ITCH: variants seen among roughly 807,000 people sequenced by gnomAD.
ITCH encodes the protein itchy E3 ubiquitin protein ligase, also known as E3 ubiquitin-protein ligase Itchy homolog.
A neutral mutation model predicts 126.8 loss-of-function variants in ITCH; 28 were observed. The observed-to-expected ratio is 0.22, with a 90% CI of 0.16 to 0.30. The LOEUF is 0.30. Among genes scored for constraint, ITCH ranks in the 10% least tolerant of loss-of-function variants. ITCH has a pLI of 1.00. For synonymous variants in ITCH, 342 were observed against 340.0 expected, an observed-to-expected ratio of 1.01 and a Z score of -0.06; for missense variants, 631 against 1,032.4, an observed-to-expected ratio of 0.61 and a Z score of 5.33.
chr20:34,440,047 C>A (rs909153410), intron 8 of ITCH, 108 bp from the exon 9 acceptor site: 5 of 785,368 alleles, frequency 6.4e-6, no homozygotes, highest in Non-Finnish European at 4.2e-6. Flanking sequence ...GCATCTACAT[C>A]TTAAGTTTTA....
chr20:34,488,379 T>A (rs1218926516), intron 20 of ITCH, among the ~76,000 whole-genome samples: 1 of 152,164 alleles, frequency 6.6e-6, no homozygotes, highest in Non-Finnish European at 1.5e-5. Context: ...TAAAAAATAA[T>A]CCTCATGTCG....
chr20:34,500,358 G>T (rs1192719997), intron 23 of ITCH, among the ~76,000 whole-genome samples: 1 of 152,120 alleles, frequency 6.6e-6, no homozygotes, highest in African/African-American at 2.4e-5. Context: ...GTTCTTTGGT[G>T]TTGGGTGCAT....
chr20:34,414,424 G>A (rs1190013726), intron 6 of ITCH, among the ~76,000 whole-genome samples: 1 of 146,750 alleles, frequency 6.8e-6, no homozygotes, highest in Non-Finnish European at 1.5e-5. Context: ...GTCTGTAGCA[G>A]TGTGGGGCTG....
intron 19 of ITCH, 34 bp downstream of exon 19, chr20:34,480,766 A>G: frequency 1.3e-6 from 2 of 1,485,952 alleles, no homozygotes; most frequent in South Asian, 1.1e-5. Flanking sequence ...TTATTAAAAT[A>G]TAGTTATATG....
chr20:34,457,970 A>C (rs1430879746), intron 13 of ITCH, among the ~76,000 whole-genome samples: 11 of 152,142 alleles, frequency 7.2e-5, no homozygotes, highest in Admixed American at 7.2e-4. Flanking sequence ...AACAATAGAA[A>C]AGCAAAAAAA....
intron 2 of ITCH, among the ~76,000 whole-genome samples, chr20:34,378,020 A>C (rs1184626591): frequency 1.3e-5 from 2 of 151,750 alleles, no homozygotes; most frequent in Non-Finnish European, 2.9e-5. Flanking sequence ...ACTTCTCATG[A>C]AACTTTTTTT....
At chr20:34,498,218 CAAT>C (rs1232434810) in intron 23 of ITCH, among the ~76,000 whole-genome samples, 1 of 152,084 alleles carries the variant, frequency 6.6e-6, no homozygotes, top group East Asian at 1.9e-4. Flanking sequence ...TTATCAGTTC[CAAT>C]AATTTTTTAT....
chr20:34,489,038 CAAAT>C (rs555411033), intron 20 of ITCH, among the ~76,000 whole-genome samples: 29 of 152,120 alleles, frequency 1.9e-4, no homozygotes, highest in African/African-American at 6.5e-4. Context: ...GACCTCATCT[CAAAT>C]AAATAAAGAA....
At chr20:34,431,004 T>C (rs112215771) in intron 7 of ITCH, among the ~76,000 whole-genome samples, 22 of 152,006 alleles carry the variant, frequency 1.4e-4, no homozygotes, top group Non-Finnish European at 2.5e-4. Context: ...AGATACTGAG[T>C]GTCAAGAGGC....
chr20:34,424,190 CAT>C (rs966850841), intron 6 of ITCH, among the ~76,000 whole-genome samples: 8 of 151,964 alleles, frequency 5.3e-5, no homozygotes, highest in African/African-American at 1.9e-4. Flanking sequence ...TAGAGTTAGA[CAT>C]ATTTCAAAAA....
At chr20:34,488,287 T>C (rs915642973) in intron 20 of ITCH, among the ~76,000 whole-genome samples, 15 of 152,198 alleles carry the variant, frequency 9.9e-5, no homozygotes, top group Admixed American at 2.6e-4. Context: ...TTCACCTTCA[T>C]TTTTTGAAGG....
chr20:34,507,911 A>G lies in ITCH; in HGVS notation c.*117A>G. 1.3e-6 allele frequency: 1 copy of G among 744,694 alleles called. No homozygotes were observed. The highest frequency in any genetic ancestry group is 2.4e-6 in the Non-Finnish European group (1 of 418,398). The allele number at this position is 744,694 out of a possible 1,614,324, so 46.1% of individuals were successfully genotyped here. A position where few individuals can be genotyped will look rare whatever the true frequency, so the allele number is the denominator to read the frequency against. ...GCTCTTTAGAGAGTTATCTGAGTGT[A>G]AGTAAATTAATGTTCTCATTTAGAT... On this transcript the variant is annotated 3_prime_UTR_variant, in exon 25 of 25. Transcript: ENST00000374864.
intron 24 of ITCH, among the ~76,000 whole-genome samples, chr20:34,505,442 C>T (rs572992380): frequency 6.6e-6 from 1 of 152,316 alleles, no homozygotes; most frequent in South Asian, 2.1e-4. Flanking sequence ...TACCCATTAG[C>T]AGTCACTCCC....
intron 1 of ITCH, among the ~76,000 whole-genome samples, chr20:34,364,117 C>T (rs1038685905): frequency 6.6e-6 from 1 of 152,186 alleles, no homozygotes; most frequent in Non-Finnish European, 1.5e-5. Context: ...CAGTTCCCGT[C>T]CGCGACAGAA....
chr20:34,470,700 C>G (rs1987538618), intron 15 of ITCH, among the ~76,000 whole-genome samples: 4 of 152,048 alleles, frequency 2.6e-5, no homozygotes, highest in Admixed American at 2.6e-4. Context: ...TCAAGTGATC[C>G]TCTTGCCTCA....
intron 12 of ITCH, among the ~76,000 whole-genome samples, chr20:34,457,004 CCTAT>C (rs1444749475): frequency 6.6e-5 from 10 of 151,752 alleles, no homozygotes; most frequent in African/African-American, 2.2e-4. Context: ...GATTATTTAA[CCTAT>C]CTGAGTTTTC....
In ITCH at chr20:34,417,169, T is replaced by C. The variant is rs1400008186; in HGVS notation, c.475+3290T>C. On this transcript the variant is annotated intron_variant, in intron 6 of 24. Coordinates refer to ENST00000374864, the MANE Select transcript of ITCH (RefSeq NM_031483.7). ...TGGAGTGCAATAGTGCGATCTCGGC[T>C]CACTGCAACCTCTGCCTCCCGGGTT... 5.8e-6 allele frequency: 4 copies of C among 684,662 alleles called. No individual in the cohort carries two copies. The East Asian group carries it at 8.2e-5, about 14-fold the overall frequency. 42.4% of individuals were successfully genotyped at this position (684,662 alleles called of 1,614,324 possible).
intron 8 of ITCH, 59 bp from the exon 9 acceptor site, chr20:34,440,096 C>A (rs1983540553): frequency 8.0e-7 from 1 of 1,250,826 alleles, no homozygotes; most frequent in Admixed American, 1.8e-5. Flanking sequence ...AGTTAAAATT[C>A]TATCCTGAAT....
At chr20:34,430,022 T>A (rs1015353000) in intron 7 of ITCH, among the ~76,000 whole-genome samples, 3 of 152,276 alleles carry the variant, frequency 2.0e-5, no homozygotes, top group Middle Eastern at 3.4e-3. Flanking sequence ...TGGCTAAAGG[T>A]GCAGTAATTT....
Sources: allele counts gnomAD v4.1 joint callset (sites outside exome capture counted in the v4.1 genomes callset), GRCh38; gene constraint gnomAD v4.1.1; transcripts MANE v1.5; gene names NCBI Gene and HGNC (gene_info 2026-07-23, HGNC 2026-07-21).